The following TBC1D22A variants were observed in gnomAD, a reference collection of about 807,000 sequenced individuals.
TBC1D22A encodes the protein TBC1 domain family member 22A, also known as putative GTPase activator.
Under a neutral mutation model 60.2 loss-of-function variants are expected in TBC1D22A, and 38 were observed. That is an observed-to-expected ratio of 0.63 (90% CI 0.49 to 0.83). The LOEUF is 0.83. Among genes scored for constraint, TBC1D22A ranks in the 40% least tolerant of loss-of-function variants. The pLI, the probability that TBC1D22A is intolerant of heterozygous loss-of-function variation, is 0.00. For missense variants in TBC1D22A, 628 were observed against 701.0 expected (o/e 0.90, Z 1.18); for synonymous variants, 302 against 281.7 (o/e 1.07, Z -0.72).
chr22:47,139,484 G>T (rs1291864412), intron 12 of TBC1D22A, among the ~76,000 whole-genome samples: 1 of 152,232 alleles, frequency 6.6e-6, no homozygotes, highest in Non-Finnish European at 1.5e-5. Context: ...CCTCAAAGGG[G>T]CTCTGGTCTC....
chr22:46,823,997 T>C (rs2085940699), intron 4 of TBC1D22A, among the ~76,000 whole-genome samples: 1 of 152,228 alleles, frequency 6.6e-6, no homozygotes, highest in South Asian at 2.1e-4. Context: ...AGTGTCCCTG[T>C]AGCCGTGGTA....
intron 12 of TBC1D22A, among the ~76,000 whole-genome samples, chr22:47,125,759 C>G (rs1481061762): frequency 1.3e-5 from 2 of 152,182 alleles, no homozygotes; most frequent in Non-Finnish European, 2.9e-5. Context: ...CTTTGATGTC[C>G]CTTGCCAAGG....
At chr22:47,173,279 C>T (rs999431037) in intron 12 of TBC1D22A, among the ~76,000 whole-genome samples, 8 of 152,148 alleles carry the variant, frequency 5.3e-5, no homozygotes, top group South Asian at 2.1e-4. Flanking sequence ...GAGCAGCTGC[C>T]GGCTGGGCAA....
intron 9 of TBC1D22A, among the ~76,000 whole-genome samples, chr22:46,994,774 T>G (rs2239754): frequency 0.42 from 64,308 of 152,078 alleles, 15,190 homozygotes; most frequent in African/African-American, 0.65. Flanking sequence ...GAGGTTAAAT[T>G]ACATGATGTA....
At chr22:47,088,627 A>G (rs112948006) in intron 11 of TBC1D22A, among the ~76,000 whole-genome samples, 5 of 152,032 alleles carry the variant, frequency 3.3e-5, no homozygotes, top group Non-Finnish European at 7.4e-5. Flanking sequence ...GTTATTCCTT[A>G]TGGAAGAACT....
chr22:46,963,846 G>A (rs1313051820), intron 8 of TBC1D22A, among the ~76,000 whole-genome samples: 1 of 152,218 alleles, frequency 6.6e-6, no homozygotes, highest in East Asian at 1.9e-4. Context: ...CAGTGGGGAG[G>A]CAGGCGCAGG....
chr22:46,870,172 A>G (rs1004809279), intron 4 of TBC1D22A, among the ~76,000 whole-genome samples: 2 of 152,202 alleles, frequency 1.3e-5, no homozygotes, highest in African/African-American at 2.4e-5. Context: ...GTTTTAGGGG[A>G]GGAAACTGAA....
chr22:47,113,503 T>G (rs894038987), intron 12 of TBC1D22A, among the ~76,000 whole-genome samples: 2 of 152,118 alleles, frequency 1.3e-5, no homozygotes, highest in African/African-American at 4.8e-5. Flanking sequence ...AGACCATGTC[T>G]CATCGTCTCC....
intron 8 of TBC1D22A, among the ~76,000 whole-genome samples, chr22:46,924,158 C>T (rs1444567025): frequency 6.6e-6 from 1 of 152,194 alleles, no homozygotes; most frequent in Non-Finnish European, 1.5e-5. Flanking sequence ...TTTGATGCCT[C>T]CGTGCTATTT....
intron 11 of TBC1D22A, among the ~76,000 whole-genome samples, chr22:47,066,426 G>T (rs2063776162): frequency 6.6e-6 from 1 of 152,056 alleles, no homozygotes; most frequent in Admixed American, 6.5e-5. Context: ...AGGGAGGGAG[G>T]GCCAAGCTTT....
At chr22:47,024,446 C>T (rs1186590536) in intron 10 of TBC1D22A, among the ~76,000 whole-genome samples, 2 of 152,142 alleles carry the variant, frequency 1.3e-5, no homozygotes, top group Admixed American at 1.3e-4. Context: ...TTAAAATCAA[C>T]ACCCAACTGT....
At position 47,060,227 on chromosome 22, in the gene TBC1D22A, A is replaced by T. The variant is rs556399531; in HGVS notation, c.1329+23029A>T. 2.0e-5 allele frequency among the ~76,000 whole-genome samples: 3 copies of T among 148,794 alleles called. No homozygotes were observed. In the East Asian group the frequency reaches 6.0e-4, roughly 30 times the overall value. ...CCTTCAGCCTCTGCGGCCCCTGCTA[A>T]GGGTTTCTGACTTTTTTTTTTTTTT... On this transcript the variant is annotated intron_variant, in intron 11 of 12. Transcript: ENST00000337137.
intron 4 of TBC1D22A, among the ~76,000 whole-genome samples, chr22:46,847,553 C>T (rs1412125729): frequency 6.6e-6 from 1 of 152,248 alleles, no homozygotes; most frequent in Non-Finnish European, 1.5e-5. Flanking sequence ...TTCACACGCT[C>T]CTCCTGCCCC....
At chr22:47,142,261 C>CCCACCCACTCATCCACCCCAT (rs2067114865) in intron 12 of TBC1D22A, among the ~76,000 whole-genome samples, 2 of 131,296 alleles carry the variant, frequency 1.5e-5, no homozygotes, top group Non-Finnish European at 3.3e-5. Flanking sequence ...CACCCACCCA[C>CCCACCCACTCATCCACCCCAT]CCACCCACTC....
At chr22:47,092,330 A>C (rs751825980) in intron 11 of TBC1D22A, among the ~76,000 whole-genome samples, 2 of 152,172 alleles carry the variant, frequency 1.3e-5, no homozygotes, top group Non-Finnish European at 2.9e-5. Flanking sequence ...AGCCCGCAGC[A>C]GCCCAGAGTG....
chr22:46,847,338 C>T (rs530166942), intron 4 of TBC1D22A, among the ~76,000 whole-genome samples: 1 of 152,298 alleles, frequency 6.6e-6, no homozygotes, highest in East Asian at 1.9e-4. Flanking sequence ...TTCGGAGGAG[C>T]AGAAGTCACC....
Position 46,891,368 on chromosome 22 carries a change from G to C in TBC1D22A, c.811G>C (p.Glu271Gln), listed in dbSNP as rs779768621. The change falls in exon 6 of 13, where the codon GAA (glutamate) becomes CAA (glutamine). Residue 271 changes from glutamate to glutamine, a missense_variant. Coordinates refer to ENST00000337137, the MANE Select transcript of TBC1D22A (RefSeq NM_014346.5). ...GCACTATTACGATTCTAGGAACGACGAAGTTCACCAGGACACATACAGGCA... is the reference window on the plus strand; with the variant it reads ...GCACTATTACGATTCTAGGAACGACCAAGTTCACCAGGACACATACAGGCA... ...IEHYYDSRND[E>Q]VHQDTYRQIH... is the part of the protein sequence containing the mutation. 1 of 1,612,576 alleles carries C rather than the reference G, an allele frequency of 6.2e-7. No homozygotes were observed. Among genetic ancestry groups the C allele is most frequent in the Non-Finnish European group, 8.5e-7 (1 of 1,179,524 alleles).
At chr22:47,142,243 C>T (rs1363754317) in intron 12 of TBC1D22A, among the ~76,000 whole-genome samples, 1 of 142,970 alleles carries the variant, frequency 7.0e-6, no homozygotes, top group Admixed American at 6.9e-5. Context: ...CCAACCCATC[C>T]ATCCATTCAC....
chr22:46,768,787 T>C (rs1421812931), intron 1 of TBC1D22A, among the ~76,000 whole-genome samples: 1 of 151,906 alleles, frequency 6.6e-6, no homozygotes, highest in African/African-American at 2.4e-5. Context: ...ATGTGGAGTA[T>C]GACGTTTGAA....
Sources: allele counts gnomAD v4.1 joint callset (sites outside exome capture counted in the v4.1 genomes callset), GRCh38; gene constraint gnomAD v4.1.1; transcripts MANE v1.5; gene names NCBI Gene and HGNC (gene_info 2026-07-23, HGNC 2026-07-21).